The following IL1RAPL2 variants were observed in gnomAD, a reference collection of about 807,000 sequenced individuals.
IL1RAPL2 encodes the protein interleukin 1 receptor accessory protein like 2, also known as X-linked interleukin-1 receptor accessory protein-like 2.
In IL1RAPL2, 3 loss-of-function variants were observed where a neutral mutation model predicts 44.1. The ratio of observed to expected loss-of-function variants is 0.07; its 90% confidence interval spans 0.03 to 0.18. IL1RAPL2 has a LOEUF of 0.18. Ranked by LOEUF, IL1RAPL2 falls within the 10% of genes least tolerant of loss-of-function variation. The probability of loss-of-function intolerance (pLI) is 1.00; values close to 1 mark genes in which losing one functional copy is unlikely to be tolerated. For missense variants in IL1RAPL2, 391 were observed against 496.4 expected (o/e 0.79, Z 2.02); for synonymous variants, 181 against 178.8 (o/e 1.01, Z -0.10).
intron 4 of IL1RAPL2, among the ~76,000 whole-genome samples, chrX:105,240,572 G>A (rs1453889058): frequency 9.0e-6 from 1 of 111,629 alleles, no homozygotes; most frequent in Admixed American, 9.6e-5. Flanking sequence ...CCTTCTAAAA[G>A]ACACCATATT....
At chrX:105,019,437 A>C (rs1269573777) in intron 2 of IL1RAPL2, among the ~76,000 whole-genome samples, 1 of 111,578 alleles carries the variant, frequency 9.0e-6, no homozygotes, top group Non-Finnish European at 1.9e-5. Flanking sequence ...AGTAACACAT[A>C]TATTAGCAAT....
intron 3 of IL1RAPL2, among the ~76,000 whole-genome samples, chrX:105,228,090 C>T (rs1361508134): frequency 4.5e-5 from 5 of 111,919 alleles, no homozygotes; most frequent in African/African-American, 1.6e-4. Context: ...TATGTTTTAA[C>T]GTCAGTCTTA....
chrX:105,414,848 C>T (rs968842460), intron 5 of IL1RAPL2, among the ~76,000 whole-genome samples: 8 of 112,222 alleles, frequency 7.1e-5, no homozygotes, highest in South Asian at 3.6e-4. Context: ...AAATGATAAG[C>T]TCAGTGTATG....
intron 2 of IL1RAPL2, among the ~76,000 whole-genome samples, chrX:104,766,401 GCC>G (rs1932554639): frequency 9.1e-6 from 1 of 109,568 alleles, no homozygotes; most frequent in African/African-American, 3.4e-5. Context: ...CTGCCTGCCT[GCC>G]TGCCTTTCTT....
intron 5 of IL1RAPL2, among the ~76,000 whole-genome samples, chrX:105,361,989 T>C (rs1449489508): frequency 4.5e-5 from 5 of 111,762 alleles, no homozygotes; most frequent in Non-Finnish European, 9.4e-5. Context: ...TCTTTTGCAC[T>C]TTGAACATTT....
chrX:105,608,276 G>A (rs996846167), intron 6 of IL1RAPL2, among the ~76,000 whole-genome samples: 8 of 111,592 alleles, frequency 7.2e-5, no homozygotes, highest in African/African-American at 2.3e-4. Flanking sequence ...ACAAAATGGT[G>A]CAATGTGGCT....
chrX:105,144,492 A>G (rs1336432491), intron 2 of IL1RAPL2, among the ~76,000 whole-genome samples: 1 of 111,347 alleles, frequency 9.0e-6, no homozygotes, highest in East Asian at 2.9e-4. Context: ...TGTTGTTTAC[A>G]TGATAAAAGT....
intron 2 of IL1RAPL2, among the ~76,000 whole-genome samples, chrX:104,762,470 C>A (rs1314604586): frequency 8.9e-6 from 1 of 112,026 alleles, no homozygotes; most frequent in Non-Finnish European, 1.9e-5. Context: ...GTGTCTGTGG[C>A]TTTTCCAGAC....
At chrX:105,550,431 C>T (rs1358198320) in intron 6 of IL1RAPL2, among the ~76,000 whole-genome samples, 1 of 112,014 alleles carries the variant, frequency 8.9e-6, no homozygotes, top group Non-Finnish European at 1.9e-5. Context: ...CTGTCTATCT[C>T]CCAAGAGTGT....
chrX:105,607,914 G>C (rs1032995096), intron 6 of IL1RAPL2, among the ~76,000 whole-genome samples: 1 of 110,461 alleles, frequency 9.1e-6, no homozygotes, highest in African/African-American at 3.3e-5. Flanking sequence ...TTTTGAGTAG[G>C]GGAATAATAT....
intron 2 of IL1RAPL2, among the ~76,000 whole-genome samples, chrX:104,747,548 G>GTA (rs1308983348): frequency 9.0e-6 from 1 of 111,289 alleles, no homozygotes; most frequent in East Asian, 2.9e-4. Context: ...TTCGAGGAGA[G>GTA]TGGATGACAA....
At chrX:105,259,952 A>G (rs1340104490) in intron 4 of IL1RAPL2, among the ~76,000 whole-genome samples, 2 of 111,842 alleles carry the variant, frequency 1.8e-5, no homozygotes, top group Non-Finnish European at 3.8e-5. Flanking sequence ...TGAATTTTCT[A>G]GTACCTGGAG....
intron 5 of IL1RAPL2, among the ~76,000 whole-genome samples, chrX:105,363,288 T>A (rs866216800): frequency 2.9e-4 from 21 of 71,197 alleles, no homozygotes; most frequent in South Asian, 1.0e-3. Flanking sequence ...TATATATATA[T>A]AATATATATA....
chrX:104,961,999 C>T (rs1201336929), intron 2 of IL1RAPL2, among the ~76,000 whole-genome samples: 1 of 112,277 alleles, frequency 8.9e-6, no homozygotes, highest in African/African-American at 3.2e-5. Context: ...TGTGTACCAT[C>T]TGTTTCGTTG....
At chrX:105,278,604 A>G (rs1195080549) in intron 5 of IL1RAPL2, among the ~76,000 whole-genome samples, 1 of 111,892 alleles carries the variant, frequency 8.9e-6, no homozygotes, top group African/African-American at 3.3e-5. Context: ...GCAGATGCTC[A>G]GAGAACTATC....
At chrX:105,697,311 A>ACCAAAAT (rs2038084311) in intron 6 of IL1RAPL2, among the ~76,000 whole-genome samples, 1 of 105,361 alleles carries the variant, frequency 9.5e-6, no homozygotes, top group East Asian at 2.9e-4. Flanking sequence ...AAAAAAAAAC[A>ACCAAAAT]CCAAAATTTC....
At chrX:105,422,334 C>A (rs1455144965) in intron 5 of IL1RAPL2, among the ~76,000 whole-genome samples, 3 of 111,542 alleles carry the variant, frequency 2.7e-5, no homozygotes, top group Middle Eastern at 4.7e-3. Context: ...GGTTAGGACC[C>A]CTGTACAGGG....
intron 2 of IL1RAPL2, among the ~76,000 whole-genome samples, chrX:104,836,747 G>A (rs1056151329): frequency 9.0e-6 from 1 of 110,502 alleles, no homozygotes; most frequent in Non-Finnish European, 1.9e-5. Context: ...TTTACTTTAA[G>A]TTCTGGGATA....
intron 6 of IL1RAPL2, among the ~76,000 whole-genome samples, chrX:105,673,208 G>A (rs891133813): frequency 2.7e-5 from 3 of 111,228 alleles, no homozygotes; most frequent in African/African-American, 9.8e-5. Context: ...AGTATGTGAA[G>A]GTTTGTAACA....
Sources: gnomAD v4.1 joint callset for allele counts (sites outside exome capture counted in the v4.1 genomes callset) on GRCh38, gnomAD v4.1.1 for gene constraint, MANE v1.5 for transcripts, NCBI Gene and HGNC (gene_info 2026-07-23, HGNC 2026-07-21) for gene names.